The following NAV2 variants were observed in gnomAD, a reference collection of about 807,000 sequenced individuals.
NAV2 encodes neuron navigator 2.
In NAV2, 54 loss-of-function variants were observed where a neutral mutation model predicts 223.2. That is an observed-to-expected ratio of 0.24 (90% confidence interval 0.19 to 0.30). The LOEUF (loss-of-function observed/expected upper bound fraction) is 0.30. NAV2 is among the 10% of genes least tolerant of loss of function. The pLI is 1.00. For missense variants in NAV2, 2,806 were observed against 3,147.5 expected, an observed-to-expected ratio of 0.89 and a Z score of 2.60; for synonymous variants, 1,279 against 1,239.3, an observed-to-expected ratio of 1.03 and a Z score of -0.67.
chr11:20,043,818 G>A, intron 12 of NAV2, 163 bp from the exon 13 acceptor site: 1 of 565,090 alleles, frequency 1.8e-6, no homozygotes, highest in Non-Finnish European at 3.0e-6. Flanking sequence ...AAAAAAATCA[G>A]TCTTTCTAAC....
chr11:19,450,919 G>T (rs931559790), intron 1 of NAV2, among the ~76,000 whole-genome samples: 2 of 152,110 alleles, frequency 1.3e-5, no homozygotes, highest in Non-Finnish European at 2.9e-5. Context: ...TGATCCTGTG[G>T]GTCTGCTGGG....
chr11:19,372,491 G>C (rs1848503411), intron 1 of NAV2, among the ~76,000 whole-genome samples: 1 of 152,196 alleles, frequency 6.6e-6, no homozygotes, highest in Non-Finnish European at 1.5e-5. Context: ...ATAGCTGTCA[G>C]TAAGACCACT....
chr11:19,544,701 CAG>C (rs1219990241), intron 1 of NAV2, among the ~76,000 whole-genome samples: 1 of 152,150 alleles, frequency 6.6e-6, no homozygotes, highest in Non-Finnish European at 1.5e-5. Context: ...CTGCTAGACA[CAG>C]TGCACAGAAA....
intron 3 of NAV2, among the ~76,000 whole-genome samples, chr11:19,850,768 C>T (rs1489155035): frequency 6.6e-6 from 1 of 152,100 alleles, no homozygotes; most frequent in Admixed American, 6.6e-5. Context: ...CTCACAACCA[C>T]CAGTTTATTA....
intron 1 of NAV2, among the ~76,000 whole-genome samples, chr11:19,640,397 A>G (rs2047631685): frequency 6.6e-6 from 1 of 151,666 alleles, no homozygotes; most frequent in African/African-American, 2.4e-5. Context: ...GCACACAAAT[A>G]CATATAATAT....
intron 1 of NAV2, among the ~76,000 whole-genome samples, chr11:19,498,157 C>G (rs1294639072): frequency 2.0e-5 from 3 of 152,212 alleles, no homozygotes; most frequent in Non-Finnish European, 4.4e-5. Context: ...TCCAGTCTCT[C>G]TGGGCTATCC....
intron 1 of NAV2, among the ~76,000 whole-genome samples, chr11:19,688,071 A>C (rs1462299883): frequency 6.6e-6 from 1 of 152,142 alleles, no homozygotes; most frequent in African/African-American, 2.4e-5. Context: ...AATGGGATGA[A>C]AGAGGGGAGG....
At chr11:19,588,045 A>T (rs1236105924) in intron 1 of NAV2, among the ~76,000 whole-genome samples, 3 of 152,222 alleles carry the variant, frequency 2.0e-5, no homozygotes, top group African/African-American at 7.2e-5. Flanking sequence ...AGCATGTAAT[A>T]GGTGCTCAGT....
rs2134390507 is a variant in NAV2, at chr11:19,527,592, G to T, written c.75+176565G>T. Among the ~76,000 whole-genome samples the T allele has an allele frequency of 2.0e-5, 3 of 151,912 alleles. No individual in the cohort carries two copies. The East Asian group carries it at 5.9e-4, about 30-fold the overall frequency. ...CAGCCCATTGAAACTGCTTTTCCTA[G>T]CCTGGACATGGTAGCACCAGCCCCA... On this transcript the variant is annotated intron_variant, in intron 1 of 37. Transcript: ENST00000360655.
chr11:19,932,273 A>AAAGG (rs2045442054), intron 6 of NAV2, among the ~76,000 whole-genome samples: 1 of 148,816 alleles, frequency 6.7e-6, no homozygotes. Flanking sequence ...AAGAAAAGGA[A>AAAGG]AAAAAAAAAG....
Position 19,821,428 on chromosome 11 carries a change from T to C in NAV2, c.268-11056T>C, listed in dbSNP as rs1249954659. The stretch of plus-strand genomic sequence containing the variant: ...TTTTTAAAGGCATAGTTTCAAAACC[T>C]CTGGAGGTGCTGTGTACACCCACCT... On this transcript the variant is annotated intron_variant, in intron 1 of 37. Coordinates refer to ENST00000349880, the MANE Select transcript of NAV2 (RefSeq NM_145117.5). 2.6e-5 allele frequency among the ~76,000 whole-genome samples: 4 copies of C among 152,094 alleles called. No homozygotes were observed. The East Asian group carries it at 7.7e-4, about 29-fold the overall frequency.
chr11:19,491,965 GAGAGA>G (rs1188761756), intron 1 of NAV2, among the ~76,000 whole-genome samples: 2 of 149,224 alleles, frequency 1.3e-5, no homozygotes. Flanking sequence ...AAGAGAGAGA[GAGAGA>G]GAGAGAGAGA....
chr11:19,369,909 C>T, intron 1 of NAV2, among the ~76,000 whole-genome samples: 1 of 152,190 alleles, frequency 6.6e-6, no homozygotes, highest in Non-Finnish European at 1.5e-5. Context: ...AATCAAGTGG[C>T]TCTAAGACCT....
chr11:19,778,853 G>A (rs540095415), intron 1 of NAV2, among the ~76,000 whole-genome samples: 1 of 152,150 alleles, frequency 6.6e-6, no homozygotes, highest in African/African-American at 2.4e-5. Flanking sequence ...TTCTCTCCAA[G>A]CTGTACCTGA....
At chr11:19,736,898 T>G (rs1256413029) in intron 1 of NAV2, among the ~76,000 whole-genome samples, 1 of 152,210 alleles carries the variant, frequency 6.6e-6, no homozygotes, top group Non-Finnish European at 1.5e-5. Flanking sequence ...CTGGCAAACC[T>G]TTTCTGAGGG....
At chr11:19,400,814 C>A (rs1849652855) in intron 1 of NAV2, among the ~76,000 whole-genome samples, 1 of 152,116 alleles carries the variant, frequency 6.6e-6, no homozygotes, top group African/African-American at 2.4e-5. Flanking sequence ...GAAAATGGCT[C>A]CAACTTGACC....
chr11:19,879,996 G>T lies in NAV2; in HGVS notation c.639G>T (p.Val213=), dbSNP rs1249002133. ...CTCTGCCGCCCGCCGTATCCCAGGT[G>T]GCCGGGGCCCCCTCCCAGTGCCAGG... The part of the protein sequence containing the change: ...SSPLPPAVSQ[V]AGAPSQCQAG... The change falls in exon 5 of 38, where the codon GTG becomes GTT. Residue 213 remains valine (V), a synonymous_variant. Transcript: ENST00000349880. 33 of 1,613,800 alleles carry T rather than the reference G, an allele frequency of 2.0e-5. No individual in the cohort carries two copies. The highest frequency in any genetic ancestry group is 2.6e-5 in the Non-Finnish European group (31 of 1,179,886).
At chr11:19,833,292 C>T (rs1371125616) in intron 2 of NAV2, among the ~76,000 whole-genome samples, 1 of 152,150 alleles carries the variant, frequency 6.6e-6, no homozygotes, top group Non-Finnish European at 1.5e-5. Flanking sequence ...TTACTGGTAG[C>T]CTTGGCCAAG....
At chr11:19,348,518 G>A (rs1400620501), upstream of NAV2, among the ~76,000 whole-genome samples, 4 of 152,144 alleles carry the variant, frequency 2.6e-5, no homozygotes, top group Non-Finnish European at 2.9e-5. Flanking sequence ...CTCTAGGCAA[G>A]TTACTTGACC....
Sources: gnomAD v4.1 joint callset for allele counts (sites outside exome capture counted in the v4.1 genomes callset) on GRCh38, gnomAD v4.1.1 for gene constraint, MANE v1.5 for transcripts, NCBI Gene and HGNC (gene_info 2026-07-23, HGNC 2026-07-21) for gene names.